Variants in ST8SIA4 observed in about 807,000 individuals in gnomAD.
The protein encoded by ST8SIA4 is CMP-N-acetylneuraminate-poly-alpha-2,8-sialyltransferase.
A neutral mutation model predicts 33.9 loss-of-function variants in ST8SIA4; 15 were observed. The ratio of observed to expected loss-of-function variants is 0.44; its 90% confidence interval spans 0.30 to 0.68. ST8SIA4 has a LOEUF of 0.68. Among genes scored for constraint, ST8SIA4 ranks in the 30% least tolerant of loss-of-function variants. ST8SIA4 has a pLI of 0.10. For missense variants in ST8SIA4, 321 were observed against 428.0 expected (o/e 0.75, Z 2.21); for synonymous variants, 171 against 151.2 (o/e 1.13, Z -0.96).
intron 4 of ST8SIA4, among the ~76,000 whole-genome samples, chr5:100,836,582 T>C (rs927294900): frequency 6.6e-6 from 1 of 152,056 alleles, no homozygotes; most frequent in Non-Finnish European, 1.5e-5. Flanking sequence ...AAGTATAACC[T>C]AGAAATAAAT....
Position 100,903,164 on chromosome 5 carries a change from T to C in ST8SIA4, c.-209A>G. ...CTGCCCAGCGACCTCTCGCCCTGTT[T>C]GCGCCAGCTCTGCCAGGGTCGCTCC... On this transcript the variant is annotated 5_prime_UTR_variant, in exon 1 of 5. Transcript: ENST00000231461. 1.7e-6 allele frequency: 1 copy of C among 573,346 alleles called. No individual in the cohort carries two copies. 35.5% of individuals were successfully genotyped at this position (573,346 alleles called of 1,614,324 possible). A position where few individuals can be genotyped will look rare whatever the true frequency, so the allele number is the denominator to read the frequency against.
intron 3 of ST8SIA4, among the ~76,000 whole-genome samples, chr5:100,876,745 T>A (rs1234027448): frequency 3.3e-5 from 5 of 152,082 alleles, no homozygotes; most frequent in African/African-American, 1.2e-4. Flanking sequence ...CTTATGATTA[T>A]TTTTCTGTTA....
intron 4 of ST8SIA4, chr5:100,816,530 T>C (rs141552882): frequency 1.9e-6 from 1 of 526,676 alleles, no homozygotes; most frequent in African/African-American, 1.9e-5. Flanking sequence ...TTGAAAGTAA[T>C]GACAAAAACT....
At chr5:100,895,909 A>T in intron 1 of ST8SIA4, 124 bp from the exon 2 acceptor site, 1 of 977,788 alleles carries the variant, frequency 1.0e-6, no homozygotes, top group Non-Finnish European at 1.5e-6. Flanking sequence ...ACAAGTTAGA[A>T]GGAAATACGC....
At chr5:100,832,132 TCTG>T (rs1254121159) in intron 4 of ST8SIA4, among the ~76,000 whole-genome samples, 1 of 152,160 alleles carries the variant, frequency 6.6e-6, no homozygotes, top group Non-Finnish European at 1.5e-5. Context: ...TTAAGTGTGT[TCTG>T]CTCATTGACA....
At chr5:100,878,196 T>TA (rs1311164685) in intron 3 of ST8SIA4, among the ~76,000 whole-genome samples, 1 of 151,964 alleles carries the variant, frequency 6.6e-6, no homozygotes, top group African/African-American at 2.4e-5. Flanking sequence ...TTTTTTTTTT[T>TA]AATGGAGTTT....
chr5:100,855,984 A>T, intron 4 of ST8SIA4, 119 bp downstream of exon 4: 1 of 920,812 alleles, frequency 1.1e-6, no homozygotes, highest in Non-Finnish European at 1.6e-6. Flanking sequence ...CCATTATAAA[A>T]TAACGGAAAC....
chr5:100,887,296 C>A (rs548349778), intron 2 of ST8SIA4, among the ~76,000 whole-genome samples: 29 of 152,054 alleles, frequency 1.9e-4, no homozygotes, highest in Admixed American at 6.6e-5. Context: ...TTCTCTTCTT[C>A]CTTCTAATAT....
intron 3 of ST8SIA4, among the ~76,000 whole-genome samples, chr5:100,869,772 A>T (rs183183768): frequency 6.6e-6 from 1 of 152,168 alleles, no homozygotes; most frequent in African/African-American, 2.4e-5. Context: ...ATTTAAATTC[A>T]GCATATCTTG....
intron 4 of ST8SIA4, among the ~76,000 whole-genome samples, chr5:100,844,909 T>C (rs1270138664): frequency 7.9e-5 from 12 of 152,068 alleles, no homozygotes; most frequent in Admixed American, 4.6e-4. Flanking sequence ...ACTCTTTCTT[T>C]GATCTCTTAC....
At chr5:100,853,197 G>A (rs1236166564) in intron 4 of ST8SIA4, among the ~76,000 whole-genome samples, 2 of 152,106 alleles carry the variant, frequency 1.3e-5, no homozygotes, top group Non-Finnish European at 2.9e-5. Context: ...TTTCATCAGC[G>A]CTCACACTTC....
intron 1 of ST8SIA4, 115 bp downstream of exon 1, chr5:100,902,728 C>T: frequency 1.1e-6 from 1 of 899,664 alleles, no homozygotes; most frequent in Non-Finnish European, 1.8e-6. Flanking sequence ...ACACTAACCA[C>T]GCGCAAGCTC....
intron 1 of ST8SIA4, among the ~76,000 whole-genome samples, chr5:100,901,498 C>T (rs932368970): frequency 4.6e-5 from 7 of 152,170 alleles, no homozygotes; most frequent in African/African-American, 1.7e-4. Flanking sequence ...CACGCCCCTG[C>T]CCAAAGTCCT....
chr5:100,828,656 T>G (rs1403084492), intron 4 of ST8SIA4, among the ~76,000 whole-genome samples: 1 of 152,204 alleles, frequency 6.6e-6, no homozygotes, highest in Non-Finnish European at 1.5e-5. Context: ...TGCCTAAACC[T>G]GCACTTTGCC....
At chr5:100,835,892 T>G (rs1343510130) in intron 4 of ST8SIA4, among the ~76,000 whole-genome samples, 1 of 152,142 alleles carries the variant, frequency 6.6e-6, no homozygotes, top group Non-Finnish European at 1.5e-5. Flanking sequence ...CTCAGATATT[T>G]TTAGTAGATT....
At chr5:100,870,736 T>G (rs1251171088) in intron 3 of ST8SIA4, among the ~76,000 whole-genome samples, 1 of 152,138 alleles carries the variant, frequency 6.6e-6, no homozygotes, top group African/African-American at 2.4e-5. Flanking sequence ...AACTTATATT[T>G]CATATTTCAT....
At chr5:100,855,415 A>C (rs1751793097) in intron 4 of ST8SIA4, among the ~76,000 whole-genome samples, 1 of 152,216 alleles carries the variant, frequency 6.6e-6, no homozygotes, top group African/African-American at 2.4e-5. Flanking sequence ...TTTTGAAGCT[A>C]CAGTATCTGA....
At chr5:100,849,826 A>C (rs1233747297) in intron 4 of ST8SIA4, among the ~76,000 whole-genome samples, 1 of 152,044 alleles carries the variant, frequency 6.6e-6, no homozygotes, top group Non-Finnish European at 1.5e-5. Context: ...AAAATAAACA[A>C]AAAACAAACA....
At chr5:100,838,460 T>C (rs1286584536) in intron 4 of ST8SIA4, among the ~76,000 whole-genome samples, 1 of 151,978 alleles carries the variant, frequency 6.6e-6, no homozygotes, top group Non-Finnish European at 1.5e-5. Flanking sequence ...GAGATTTTAA[T>C]GAAGACCAAT....
Sources: allele counts gnomAD v4.1 joint callset (sites outside exome capture counted in the v4.1 genomes callset), GRCh38; gene constraint gnomAD v4.1.1; transcripts MANE v1.5; gene names NCBI Gene and HGNC (gene_info 2026-07-23, HGNC 2026-07-21).